Variants in GANC observed in about 807,000 individuals in gnomAD.
The protein encoded by GANC is glucosidase alpha, neutral C.
A neutral mutation model predicts 124.2 loss-of-function variants in GANC; 117 were observed. The observed-to-expected ratio is 0.94, with a 90% CI of 0.81 to 1.10. The LOEUF (loss-of-function observed/expected upper bound fraction) is 1.10, where lower values mean the gene tolerates loss of function less well. Among genes scored for constraint, GANC ranks in the 50% least tolerant of loss-of-function variants. GANC has a pLI of 0.00. For missense variants in GANC, 1,140 were observed against 1,095.0 expected (o/e 1.04, Z -0.58); for synonymous variants, 377 against 376.8 (o/e 1.00, Z -0.01).
chr15:42,326,838 C>T (rs1428320006), intron 12 of GANC, among the ~76,000 whole-genome samples: 1 of 152,100 alleles, frequency 6.6e-6, no homozygotes, highest in Non-Finnish European at 1.5e-5. Context: ...CCTCAGCCAC[C>T]CTGATGACTA....
intron 13 of GANC, among the ~76,000 whole-genome samples, chr15:42,328,615 G>A (rs1451564256): frequency 6.6e-6 from 1 of 152,080 alleles, no homozygotes; most frequent in Non-Finnish European, 1.5e-5. Flanking sequence ...TAGGCTCTGC[G>A]AGGGGAATGT....
chr15:42,328,203 T>C (rs2052212255), intron 13 of GANC, among the ~76,000 whole-genome samples: 1 of 152,182 alleles, frequency 6.6e-6, no homozygotes, highest in South Asian at 2.1e-4. Context: ...GTTTCTGGCA[T>C]CAAGTATTAG....
chr15:42,298,329 C>G (rs2051911094), intron 6 of GANC, among the ~76,000 whole-genome samples: 1 of 152,126 alleles, frequency 6.6e-6, no homozygotes, highest in Non-Finnish European at 1.5e-5. Flanking sequence ...GAAAGACACG[C>G]AGGGCAGTGC....
At position 42,338,456 on chromosome 15, in the gene GANC, C is replaced by A; in HGVS notation, c.1809C>A (p.Leu603=). The change falls in exon 16 of 24, where the codon CTC becomes CTA. Residue 603 remains leucine, a synonymous_variant. Transcript: ENST00000318010. ...SNLKISIPML[L]TLSITGISFC... ...TGAAAATTTCTATCCCAATGTTACTCACTCTCAGCATTACTGGGATCTCTT... is the reference window on the plus strand; with the variant it reads ...TGAAAATTTCTATCCCAATGTTACTAACTCTCAGCATTACTGGGATCTCTT... 1 of 1,613,920 alleles carries A rather than the reference C, an allele frequency of 6.2e-7. No individual in the cohort carries two copies. Among genetic ancestry groups the A allele is most frequent in the South Asian group, 1.1e-5 (1 of 91,074 alleles).
At chr15:42,326,576 C>T in intron 12 of GANC, 152 bp downstream of exon 12, 1 of 1,195,966 alleles carries the variant, frequency 8.4e-7, no homozygotes, top group Non-Finnish European at 1.2e-6. Context: ...GGTTTGCCTT[C>T]TTTTGTATCT....
intron 22 of GANC, among the ~76,000 whole-genome samples, chr15:42,350,133 C>T (rs1293496937): frequency 2.1e-5 from 3 of 144,480 alleles, no homozygotes; most frequent in South Asian, 2.2e-4. Flanking sequence ...CAGGTTCAAG[C>T]GAGTCTCCTG....
intron 10 of GANC, among the ~76,000 whole-genome samples, chr15:42,319,914 G>A (rs2052142049): frequency 6.6e-6 from 1 of 152,152 alleles, no homozygotes; most frequent in Non-Finnish European, 1.5e-5. Context: ...GCCAGATTTG[G>A]TGGCTCATGA....
intron 6 of GANC, among the ~76,000 whole-genome samples, chr15:42,306,172 G>A (rs1403768599): frequency 1.3e-5 from 2 of 151,998 alleles, no homozygotes; most frequent in Non-Finnish European, 2.9e-5. Context: ...GACTACAGGT[G>A]CCAGCCACCA....
intron 19 of GANC, 62 bp from the exon 20 acceptor site, chr15:42,345,696 T>A: frequency 1.1e-6 from 1 of 922,454 alleles, no homozygotes; most frequent in South Asian, 1.5e-5. Flanking sequence ...TTTTGCTGAC[T>A]AATGAAATGG....
intron 10 of GANC, among the ~76,000 whole-genome samples, chr15:42,320,088 G>T (rs2052143638): frequency 6.6e-6 from 1 of 152,148 alleles, no homozygotes; most frequent in African/African-American, 2.4e-5. Context: ...GGAGGCTGAG[G>T]CAGGAAAATC....
chr15:42,304,014 A>G (rs1451491146), intron 6 of GANC, among the ~76,000 whole-genome samples: 2 of 152,226 alleles, frequency 1.3e-5, no homozygotes, highest in African/African-American at 4.8e-5. Flanking sequence ...CCTAATAAAC[A>G]TCTGCAGAAC....
At chr15:42,298,352 T>C (rs1314103614) in intron 6 of GANC, among the ~76,000 whole-genome samples, 1 of 152,220 alleles carries the variant, frequency 6.6e-6, no homozygotes, top group Non-Finnish European at 1.5e-5. Flanking sequence ...TGGAAAGATT[T>C]GTAATAATTA....
chr15:42,299,946 C>T (rs780108387), intron 6 of GANC, among the ~76,000 whole-genome samples: 6 of 152,150 alleles, frequency 3.9e-5, no homozygotes, highest in African/African-American at 7.2e-5. Flanking sequence ...TTCCATATGC[C>T]TTATACAAAA....
Position 42,349,434 on chromosome 15 carries a change from C to T in GANC, c.2470C>T (p.Leu824Phe), listed in dbSNP as rs773272960. 3 of 1,613,712 alleles carry T rather than the reference C, an allele frequency of 1.9e-6. No homozygotes were observed. The African/African-American group carries it at 4.0e-5, about 22-fold the overall frequency. Residue 824 changes from leucine to phenylalanine, a missense_variant, in exon 22 of 24, where the codon CTC (leucine) becomes TTC (phenylalanine). Transcript: ENST00000318010. Reference protein sequence around the residue: ...YLDDGHSFQYLHQKQFLHRKF... With the variant: ...YLDDGHSFQYFHQKQFLHRKF... ...TGATGATGGCCATTCATTCCAATAC[C>T]TCCACCAGAAGCAATTTTTGCACAG... is the stretch of plus-strand genomic sequence containing the variant.
chr15:42,323,641 T>A (rs1324278604), intron 11 of GANC, among the ~76,000 whole-genome samples: 1 of 152,148 alleles, frequency 6.6e-6, no homozygotes. Context: ...TATCTAGAAT[T>A]ACAGGCATGT....
At chr15:42,346,023 A>G (rs2052360379) in intron 20 of GANC, among the ~76,000 whole-genome samples, 191 bp downstream of exon 20, 2 of 152,202 alleles carry the variant, frequency 1.3e-5, no homozygotes, top group Admixed American at 1.3e-4. Flanking sequence ...TTCCTGGCCT[A>G]TAGACTGCTA....
intron 3 of GANC, chr15:42,280,998 C>T: frequency 1.4e-6 from 1 of 702,550 alleles, no homozygotes; most frequent in Non-Finnish European, 2.6e-6. Flanking sequence ...GACACAGGAT[C>T]TCAGCACAAG....
chr15:42,292,730 T>C lies in GANC; in HGVS notation c.330-5T>C, dbSNP rs201137722. ...TTGTTTCTCTCTTCCTGTTTTGTTT[T>C]CTAGGCTGATTTCATGCTCTGGGGA... On this transcript the variant is annotated splice_region_variant and splice_polypyrimidine_tract_variant and intron_variant, in intron 4 of 23. Transcript: ENST00000318010. 9.7e-5 allele frequency: 156 copies of C among 1,612,336 alleles called. 1 individual carries two copies. Among genetic ancestry groups the C allele is most frequent in the Middle Eastern group, 4.9e-4 (3 of 6,076 alleles).
chr15:42,293,678 T>G (rs2053388279), intron 5 of GANC, among the ~76,000 whole-genome samples: 1 of 151,588 alleles, frequency 6.6e-6, no homozygotes, highest in Non-Finnish European at 1.5e-5. Context: ...TTATGAATAG[T>G]CAAGTACTTG....
Sources: allele counts gnomAD v4.1 joint callset (sites outside exome capture counted in the v4.1 genomes callset), GRCh38; gene constraint gnomAD v4.1.1; transcripts MANE v1.5; gene names NCBI Gene and HGNC (gene_info 2026-07-23, HGNC 2026-07-21).